The following SMARCA4 variants were observed in gnomAD, a reference collection of about 807,000 sequenced individuals.
The protein encoded by SMARCA4 is SWI/SNF related BAF chromatin remodeling complex subunit ATPase 4, also known as SWI/SNF-related matrix-associated actin-dependent regulator of chromatin subfamily A member 4.
SMARCA4 carries 31 observed loss-of-function variants against 193.9 expected under a neutral mutation model. That is an observed-to-expected ratio of 0.16 (90% confidence interval 0.12 to 0.22). SMARCA4 has a LOEUF of 0.22. Ranked by LOEUF, SMARCA4 falls within the 10% of genes least tolerant of loss-of-function variation. SMARCA4 has a pLI of 1.00. For missense variants in SMARCA4, 1,148 were observed against 2,296.0 expected (o/e 0.50, Z 10.22); for synonymous variants, 942 against 933.1 (o/e 1.01, Z -0.17).
intron 30 of SMARCA4, among the ~76,000 whole-genome samples, chr19:11,051,491 CTTTT>C (rs554212827): frequency 3.7e-5 from 5 of 133,514 alleles, no homozygotes; most frequent in Non-Finnish European, 4.8e-5. Flanking sequence ...GACATATTTC[CTTTT>C]TTTTTTTTTT....
At chr19:11,020,746 T>C (rs1023419529) in intron 18 of SMARCA4, 3 of 152,194 alleles carry the variant, frequency 2.0e-5, no homozygotes, top group Admixed American at 2.0e-4. Context: ...ATGGAGGAGC[T>C]GTTTATGGGT....
chr19:10,975,760 G>A (rs183107581), intron 1 of SMARCA4, among the ~76,000 whole-genome samples: 2 of 152,296 alleles, frequency 1.3e-5, no homozygotes, highest in East Asian at 3.9e-4. Flanking sequence ...TTAACCTCCT[G>A]GACTTTTAAC....
intron 1 of SMARCA4, among the ~76,000 whole-genome samples, chr19:10,969,213 C>T (rs1293767409): frequency 6.6e-6 from 1 of 152,200 alleles, no homozygotes; most frequent in East Asian, 1.9e-4. Context: ...CCAAGCCTTG[C>T]TCTAGGGCTT....
At chr19:10,997,094 A>G (rs927422837) in intron 11 of SMARCA4, among the ~76,000 whole-genome samples, 2 of 151,746 alleles carry the variant, frequency 1.3e-5, no homozygotes, top group Admixed American at 1.3e-4. Context: ...ATCTTGGCTC[A>G]TTGCAGCCTC....
chr19:10,982,868 C>G (rs1178004462), intron 1 of SMARCA4, among the ~76,000 whole-genome samples: 2 of 152,146 alleles, frequency 1.3e-5, no homozygotes, highest in East Asian at 3.8e-4. Context: ...AGAATTTATC[C>G]TTAGAACCAG....
chr19:11,058,682 A>C lies in SMARCA4; in HGVS notation c.4534-106A>C. On this transcript the variant is annotated intron_variant, in intron 31 of 34. Coordinates refer to ENST00000344626, the MANE Select transcript of SMARCA4 (RefSeq NM_003072.5). This position sits in a 1 kb window ranked among gnomAD's most constrained non-coding sequence, Gnocchi z 5.8. ...AGGCTGGCGCTTCGGCCACATCCTC[A>C]TAGGCACGAGGAATCCTAGCCCGTG... 2 of 962,238 alleles carry C rather than the reference A, an allele frequency of 2.1e-6. No homozygotes were observed. The highest frequency in any genetic ancestry group is 3.3e-6 in the Non-Finnish European group (2 of 603,268). The allele number at this position is 962,238 out of a possible 1,614,324, so 59.6% of individuals were successfully genotyped here. A position where few individuals can be genotyped will look rare whatever the true frequency, so the allele number is the denominator to read the frequency against.
chr19:10,968,292 A>G (rs1158492290), intron 1 of SMARCA4, among the ~76,000 whole-genome samples: 1 of 152,102 alleles, frequency 6.6e-6, no homozygotes, highest in Non-Finnish European at 1.5e-5. Flanking sequence ...CTGGCCTCAA[A>G]TGTTTTTTTA....
chr19:10,972,821 A>G (rs2084785579), intron 1 of SMARCA4, among the ~76,000 whole-genome samples: 1 of 152,216 alleles, frequency 6.6e-6, no homozygotes, highest in South Asian at 2.1e-4. Flanking sequence ...CCGAAAAGAA[A>G]GAATAGGGGC....
At chr19:11,037,755 G>C (rs1334805558) in intron 29 of SMARCA4, among the ~76,000 whole-genome samples, 1 of 150,742 alleles carries the variant, frequency 6.6e-6, no homozygotes, top group Non-Finnish European at 1.5e-5. Context: ...GTTATAATTT[G>C]ATCTCTTCCA....
In SMARCA4 at chr19:11,058,300, G is replaced by C. The variant is rs750556885; in HGVS notation, c.4470G>C (p.Ser1490=). The change falls in exon 31 of 35, where the codon TCG becomes TCC. Residue 1490 remains serine (S), a synonymous_variant. Transcript: ENST00000344626. This position sits in a 1 kb window ranked among gnomAD's most constrained non-coding sequence, Gnocchi z 5.8. ...QLSEVFIQLP[S]RKELPEYYEL... Reference sequence around the variant, plus strand: ...GCGAGGTCTTCATCCAGCTGCCCTCGCGAAAGGAGCTGCCCGAGTACTACG... The same window carrying C: ...GCGAGGTCTTCATCCAGCTGCCCTCCCGAAAGGAGCTGCCCGAGTACTACG... The C allele has an allele frequency of 6.2e-7, 1 of 1,613,544 alleles. No individual in the cohort carries two copies.
In SMARCA4 at chr19:11,019,197, G is replaced by C; in HGVS notation, c.2505+174G>C. ...ACATGGATCCGGGAGTTTGGACTGGGCAGGGACAGGGCAGATTAGCTCACT... is the reference window on the plus strand; with the variant it reads ...ACATGGATCCGGGAGTTTGGACTGGCCAGGGACAGGGCAGATTAGCTCACT... On this transcript the variant is annotated intron_variant, in intron 17 of 34. Coordinates refer to ENST00000344626, the MANE Select transcript of SMARCA4 (RefSeq NM_003072.5). This position sits in a 1 kb window ranked among gnomAD's most constrained non-coding sequence, Gnocchi z 6.1. 1 of 695,550 alleles carries C rather than the reference G, an allele frequency of 1.4e-6. No homozygotes were observed. Among genetic ancestry groups the C allele is most frequent in the Non-Finnish European group, 2.6e-6 (1 of 381,482 alleles). 43.1% of individuals were successfully genotyped at this position (695,550 alleles called of 1,614,324 possible).
rs368250779 is a variant in SMARCA4, at chr19:11,033,295, G to A, written c.3552G>A (p.Leu1184=). The stretch of plus-strand genomic sequence containing the variant: ...ACTGGCACCTCTTCCCCCAGGACCT[G>A]CAAGCGCAGGACCGAGCCCACCGCA... ...FDSDWNPHQD[L]QAQDRAHRIG... The change falls in exon 26 of 35, where the codon CTG becomes CTA. Residue 1184 remains leucine, a synonymous_variant. Coordinates refer to ENST00000344626, the MANE Select transcript of SMARCA4 (RefSeq NM_003072.5). The surrounding 1 kb of genome is among the most constrained non-coding windows in gnomAD (Gnocchi z 9.8). The A allele has an allele frequency of 1.4e-4, 230 of 1,612,402 alleles. No individual in the cohort carries two copies. Among genetic ancestry groups the A allele is most frequent in the Non-Finnish European group, 1.8e-4 (212 of 1,179,686 alleles).
intron 30 of SMARCA4, chr19:11,056,167 A>C (rs914765308): frequency 1.3e-5 from 2 of 152,260 alleles, no homozygotes; most frequent in Non-Finnish European, 2.9e-5. Flanking sequence ...CCCGAGCTGC[A>C]GATGGGACAC....
rs374949190 is a variant in SMARCA4, at chr19:11,031,102, C to A, written c.3546+209C>A. 3 of 615,332 alleles carry A rather than the reference C, an allele frequency of 4.9e-6. No individual in the cohort carries two copies. Among genetic ancestry groups the A allele is most frequent in the Non-Finnish European group, 8.8e-6 (3 of 341,270 alleles). The allele number at this position is 615,332 out of a possible 1,614,324, so 38.1% of individuals were successfully genotyped here. ...TTCCCAAAATACAAACAGCCTTTCC[C>A]TCTGATTGGGAAAGCAGTGTATAAG... On this transcript the variant is annotated intron_variant, in intron 25 of 34. Coordinates refer to ENST00000344626, the MANE Select transcript of SMARCA4 (RefSeq NM_003072.5). This position sits in a 1 kb window ranked among gnomAD's most constrained non-coding sequence, Gnocchi z 4.3.
chr19:11,018,938 C>CA lies in SMARCA4; in HGVS notation c.2439-18dup. The stretch of plus-strand genomic sequence containing the variant: ...TGATGAGAGACCGGCACTTGACTCT[C>CA]ATTTCCTTGTTCCATCAGAACGCTG... On this transcript the variant is annotated intron_variant, in intron 16 of 34. Coordinates refer to ENST00000344626, the MANE Select transcript of SMARCA4 (RefSeq NM_003072.5). The CA allele has an allele frequency of 6.2e-7, 1 of 1,610,314 alleles. No individual in the cohort carries two copies. Among genetic ancestry groups the CA allele is most frequent in the South Asian group, 1.1e-5 (1 of 91,010 alleles).
chr19:11,057,171 A>T (rs2076593554), intron 30 of SMARCA4, among the ~76,000 whole-genome samples: 1 of 152,216 alleles, frequency 6.6e-6, no homozygotes, highest in African/African-American at 2.4e-5. Context: ...CCTCTGGGCC[A>T]AAGCAGAGAG....
chr19:10,991,288 A>T lies in SMARCA4; in HGVS notation c.1384A>T (p.Ile462Phe), dbSNP rs2086537587. ...TGAGAAGCTGGAGAAGCAGCAGAAG[A>T]TCGAGCAGGAGCGCAAGCGCCGGCA... ...ITEKLEKQQK[I>F]EQERKRRQKH... The change falls in exon 8 of 35, where the codon ATC becomes TTC. Residue 462 changes from isoleucine to phenylalanine, a missense_variant. By Grantham distance (21) the Ile-to-Phe change is conservative. Transcript: ENST00000344626. 1 of 1,610,106 alleles carries T rather than the reference A, an allele frequency of 6.2e-7. No individual in the cohort carries two copies. The highest frequency in any genetic ancestry group is 8.5e-7 in the Non-Finnish European group (1 of 1,178,490).
At chr19:10,993,668 C>T (rs1055586965) in intron 8 of SMARCA4, among the ~76,000 whole-genome samples, 3 of 151,796 alleles carry the variant, frequency 2.0e-5, no homozygotes, top group East Asian at 1.9e-4. Context: ...TTTTTTGAGA[C>T]GGAGTCTCGC....
intron 30 of SMARCA4, among the ~76,000 whole-genome samples, chr19:11,052,305 A>G (rs1291977453): frequency 6.6e-6 from 1 of 152,224 alleles, no homozygotes; most frequent in Non-Finnish European, 1.5e-5. Context: ...ATCCACCTGT[A>G]GTCCCAGCTT....
Sources: gnomAD v4.1 joint callset for allele counts (sites outside exome capture counted in the v4.1 genomes callset) on GRCh38, gnomAD v4.1.1 for gene constraint, Gnocchi (gnomAD v3.1) non-coding constraint, MANE v1.5 for transcripts, NCBI Gene and HGNC (gene_info 2026-07-23, HGNC 2026-07-21) for gene names.